PIK3C3: variants seen among roughly 807,000 people sequenced by gnomAD.
PIK3C3 encodes phosphatidylinositol 3-kinase catalytic subunit type 3, also known as PI3-kinase type 3.
In PIK3C3, 95 loss-of-function variants were observed where a neutral mutation model predicts 126.1. The observed-to-expected ratio is 0.75, with a 90% CI of 0.64 to 0.89. PIK3C3 has a LOEUF of 0.89. Ranked by LOEUF, PIK3C3 falls within the 40% of genes least tolerant of loss-of-function variation. The pLI is 0.00. For missense variants in PIK3C3, 829 were observed against 1,063.2 expected, an observed-to-expected ratio of 0.78 and a Z score of 3.06; for synonymous variants, 374 against 360.0, an observed-to-expected ratio of 1.04 and a Z score of -0.44.
chr18:41,959,533 TACC>T (rs1394791274), intron 2 of PIK3C3, among the ~76,000 whole-genome samples: 1 of 152,114 alleles, frequency 6.6e-6, no homozygotes, highest in Non-Finnish European at 1.5e-5. Context: ...TTGGATAAAA[TACC>T]ACGAGAATAG....
At chr18:42,037,850 A>G (rs1036506989) in intron 17 of PIK3C3, 30 bp downstream of exon 17, 2 of 1,581,614 alleles carry the variant, frequency 1.3e-6, no homozygotes, top group Non-Finnish European at 1.7e-6. Flanking sequence ...GGTGGGGAAC[A>G]TTTTTTTCGT....
At chr18:42,010,988 T>C (rs779906401) in intron 10 of PIK3C3, among the ~76,000 whole-genome samples, 3 of 152,240 alleles carry the variant, frequency 2.0e-5, no homozygotes, top group Non-Finnish European at 2.9e-5. Flanking sequence ...TCTTGGATGA[T>C]CAGGTACATT....
intron 15 of PIK3C3, among the ~76,000 whole-genome samples, chr18:42,033,449 A>G (rs1224236832): frequency 1.3e-5 from 2 of 152,208 alleles, no homozygotes; most frequent in African/African-American, 2.4e-5. Flanking sequence ...GGTCATGCAA[A>G]ATTAAACTTT....
In PIK3C3 at chr18:41,988,033, T is replaced by G. The variant is rs1981583745; in HGVS notation, c.618+135T>G. On this transcript the variant is annotated intron_variant, in intron 5 of 24. Coordinates refer to ENST00000262039, the MANE Select transcript of PIK3C3 (RefSeq NM_002647.4). ...TTAACCCCTGTAGCTGGGAATTCTA[T>G]GCTAATAACTGGAAAATTGGAGATA... 6 of 550,596 alleles carry G rather than the reference T, an allele frequency of 1.1e-5. No homozygotes were observed. In the South Asian group the frequency reaches 1.7e-4, roughly 15 times the overall value. 34.1% of individuals were successfully genotyped at this position (550,596 alleles called of 1,614,324 possible). A position where few individuals can be genotyped will look rare whatever the true frequency, so the allele number is the denominator to read the frequency against.
Position 42,086,650 on chromosome 18 carries a change from C to G in PIK3C3, c.*5513C>G, listed in dbSNP as rs1986405284. On this transcript the variant is annotated 3_prime_UTR_variant, in exon 25 of 25. Coordinates refer to ENST00000262039, the MANE Select transcript of PIK3C3 (RefSeq NM_002647.4). ...TATAATGCATTGACATGCTAAGAGACACTCCCACCAGCACCATGACAGTTT... is the reference window on the plus strand; with the variant it reads ...TATAATGCATTGACATGCTAAGAGAGACTCCCACCAGCACCATGACAGTTT... 6.6e-6 allele frequency: 1 copy of G among 152,190 alleles called. No homozygotes were observed. Among genetic ancestry groups the G allele is most frequent in the South Asian group, 2.1e-4 (1 of 4,828 alleles). 9.4% of individuals were successfully genotyped at this position (152,190 alleles called of 1,614,324 possible).
At chr18:41,964,412 T>C (rs900022428) in intron 3 of PIK3C3, among the ~76,000 whole-genome samples, 2 of 152,128 alleles carry the variant, frequency 1.3e-5, no homozygotes, top group East Asian at 1.9e-4. Context: ...TTTAATCTTA[T>C]GCCTCAATGT....
At chr18:41,989,386 G>A (rs576405283) in intron 5 of PIK3C3, among the ~76,000 whole-genome samples, 1 of 148,070 alleles carries the variant, frequency 6.8e-6, no homozygotes, top group African/African-American at 2.7e-5. Flanking sequence ...TAGATGTAAA[G>A]CCATTTATAA....
intron 9 of PIK3C3, among the ~76,000 whole-genome samples, chr18:41,998,731 A>G (rs1982144381): frequency 1.3e-5 from 2 of 152,164 alleles, no homozygotes; most frequent in Non-Finnish European, 2.9e-5. Context: ...ATATGTTTTA[A>G]TGTTCAGAAG....
intron 24 of PIK3C3, among the ~76,000 whole-genome samples, chr18:42,070,754 C>T (rs1424409274): frequency 6.6e-6 from 1 of 152,080 alleles, no homozygotes; most frequent in Non-Finnish European, 1.5e-5. Flanking sequence ...TGAAATCTGC[C>T]TCTCCCCTCT....
In PIK3C3 at chr18:41,995,889, G is replaced by A; in HGVS notation, c.787-1G>A. 6.2e-7 allele frequency: 1 copy of A among 1,601,314 alleles called. No individual in the cohort carries two copies. The highest frequency in any genetic ancestry group is 1.1e-5 in the South Asian group (1 of 90,680). On this transcript the variant is annotated splice_acceptor_variant, in intron 7 of 24. Transcript: ENST00000262039. LOFTEE classifies it high-confidence loss of function. ...TGTCAATATTTTAAAATAATTTGTA[G>A]GAGAATTTAGTTGAGAGCAAACACC...
chr18:42,035,745 C>T (rs1984021445), intron 16 of PIK3C3, among the ~76,000 whole-genome samples: 1 of 152,188 alleles, frequency 6.6e-6, no homozygotes, highest in South Asian at 2.1e-4. Flanking sequence ...TATGCTTACA[C>T]ATACACTGAA....
intron 22 of PIK3C3, among the ~76,000 whole-genome samples, chr18:42,059,190 T>G (rs1327850279): frequency 1.3e-5 from 2 of 152,240 alleles, no homozygotes; most frequent in Non-Finnish European, 2.9e-5. Flanking sequence ...ATGCACTGAC[T>G]AGGTCTTCAT....
chr18:42,060,204 A>G (rs907971131), intron 22 of PIK3C3, among the ~76,000 whole-genome samples: 2 of 152,162 alleles, frequency 1.3e-5, no homozygotes, highest in Non-Finnish European at 2.9e-5. Context: ...AAGCTATTAG[A>G]TATGATCGGC....
rs989385970 is a variant in PIK3C3 at position 41,986,901 on chromosome 18, A to G, written c.532-911A>G. Among the ~76,000 whole-genome samples, 5 of 152,108 alleles carry G rather than the reference A, an allele frequency of 3.3e-5. No individual in the cohort carries two copies. The South Asian group carries it at 6.2e-4, about 19-fold the overall frequency. ...TTTTTATTTCTGAAATAGTATGACC[A>G]CATAGTTGTGATGAGTTGAGGAAGA... On this transcript the variant is annotated intron_variant, in intron 4 of 24. Coordinates refer to ENST00000262039, the MANE Select transcript of PIK3C3 (RefSeq NM_002647.4).
chr18:41,988,999 A>G (rs947119987), intron 5 of PIK3C3, among the ~76,000 whole-genome samples: 7 of 152,096 alleles, frequency 4.6e-5, no homozygotes, highest in African/African-American at 1.7e-4. Context: ...TTACCACCGC[A>G]TTACTATTAC....
At chr18:42,057,162 AT>A (rs1279000566) in intron 21 of PIK3C3, among the ~76,000 whole-genome samples, 2 of 151,146 alleles carry the variant, frequency 1.3e-5, no homozygotes, top group African/African-American at 2.4e-5. Context: ...AGATTTATAA[AT>A]CAATGTGTTA....
At position 41,973,560 on chromosome 18, in the gene PIK3C3, A is replaced by G. The variant is rs538773161; in HGVS notation, c.531+3104A>G. On this transcript the variant is annotated intron_variant, in intron 4 of 24. Coordinates refer to ENST00000262039, the MANE Select transcript of PIK3C3 (RefSeq NM_002647.4). ...TATTTTGACTGAATTTATTATTATT[A>G]TTCTTAAATTCTTAAAATTATGCTT... Among the ~76,000 whole-genome samples, 3 of 152,162 alleles carry G rather than the reference A, an allele frequency of 2.0e-5. No individual in the cohort carries two copies. In the East Asian group the frequency reaches 5.8e-4, roughly 29 times the overall value.
At chr18:42,072,598 A>C (rs577955) in intron 24 of PIK3C3, among the ~76,000 whole-genome samples, 77,950 of 152,046 alleles carry the variant, frequency 0.51, 22,183 homozygotes, top group African/African-American at 0.77. Context: ...GTGGTACAAT[A>C]ATGGTTCACT....
At chr18:41,977,095 T>C (rs1980959919) in intron 4 of PIK3C3, among the ~76,000 whole-genome samples, 1 of 152,174 alleles carries the variant, frequency 6.6e-6, no homozygotes, top group Non-Finnish European at 1.5e-5. Flanking sequence ...CTGCAGGTCC[T>C]CAAGTATGGC....
Sources: allele counts gnomAD v4.1 joint callset (sites outside exome capture counted in the v4.1 genomes callset), GRCh38; gene constraint gnomAD v4.1.1; transcripts MANE v1.5; gene names NCBI Gene and HGNC (gene_info 2026-07-23, HGNC 2026-07-21).